Variants in CEP85L observed in about 807,000 individuals in gnomAD.
CEP85L encodes centrosomal protein of 85 kDa-like.
In CEP85L, 60 loss-of-function variants were observed where a neutral mutation model predicts 100.3. That is an observed-to-expected ratio of 0.60 (90% confidence interval 0.49 to 0.74). CEP85L has a LOEUF of 0.74. Ranked by LOEUF, CEP85L falls within the 30% of genes least tolerant of loss-of-function variation. CEP85L has a pLI of 0.00. For synonymous variants in CEP85L, 319 were observed against 322.7 expected, an observed-to-expected ratio of 0.99 and a Z score of 0.12; for missense variants, 973 against 936.2, an observed-to-expected ratio of 1.04 and a Z score of -0.51.
At chr6:118,476,543 T>A (rs1266955823) in intron 10 of CEP85L, among the ~76,000 whole-genome samples, 1 of 152,190 alleles carries the variant, frequency 6.6e-6, no homozygotes, top group Non-Finnish European at 1.5e-5. Flanking sequence ...TTAAAGGAGT[T>A]ATGTTCTACC....
intron 1 of CEP85L, among the ~76,000 whole-genome samples, chr6:118,699,559 C>T (rs1166502871): frequency 1.3e-5 from 2 of 152,030 alleles, no homozygotes; most frequent in African/African-American, 4.8e-5. Flanking sequence ...CTGAATTAGG[C>T]CCCTGGTGGG....
chr6:118,477,210 G>C (rs2114494799), intron 10 of CEP85L, among the ~76,000 whole-genome samples: 1 of 152,226 alleles, frequency 6.6e-6, no homozygotes, highest in South Asian at 2.1e-4. Context: ...ATTCATGCCA[G>C]TTAACAATAT....
intron 2 of CEP85L, among the ~76,000 whole-genome samples, chr6:118,570,207 T>C (rs927671924): frequency 2.1e-4 from 32 of 152,216 alleles, no homozygotes; most frequent in Non-Finnish European, 4.6e-4. Context: ...CTTCCACATT[T>C]TACTTTATAC....
At chr6:118,479,771 T>C (rs978459357) in intron 10 of CEP85L, 100 bp downstream of exon 10, 2 of 535,092 alleles carry the variant, frequency 3.7e-6, no homozygotes, top group African/African-American at 4.0e-5. Flanking sequence ...ATATTATCTT[T>C]CCATACGATA....
At chr6:118,678,167 G>C (rs192158989) in intron 1 of CEP85L, among the ~76,000 whole-genome samples, 1 of 152,312 alleles carries the variant, frequency 6.6e-6, no homozygotes, top group Admixed American at 6.5e-5. Flanking sequence ...ACAGAATTAG[G>C]TAAAAGGAGA....
rs578131719 is a variant in CEP85L, at chr6:118,592,275, G to A, written c.233-25959C>T. Reference sequence around the variant, plus strand: ...TAAACAAACAGACTAAGAGAAACTCGTCTCCACCACTTGAAAAGCTATATA... The same window carrying A: ...TAAACAAACAGACTAAGAGAAACTCATCTCCACCACTTGAAAAGCTATATA... On this transcript the variant is annotated intron_variant, in intron 2 of 12. Coordinates refer to ENST00000368491, the MANE Select transcript of CEP85L (RefSeq NM_001042475.3). Among the ~76,000 whole-genome samples, 7 of 149,994 alleles carry A rather than the reference G, an allele frequency of 4.7e-5. No homozygotes were observed. In the South Asian group the frequency reaches 8.4e-4, roughly 18 times the overall value.
intron 7 of CEP85L, 79 bp downstream of exon 7, chr6:118,483,622 TTTAAC>T: frequency 1.5e-6 from 2 of 1,297,248 alleles, no homozygotes; most frequent in South Asian, 2.9e-5. Context: ...AACACATAGA[TTTAAC>T]TTATAGTTAG....
chr6:118,502,798 T>C (rs1177302743), intron 5 of CEP85L: 3 of 625,410 alleles, frequency 4.8e-6, no homozygotes, highest in East Asian at 3.0e-5. Context: ...CTCCAGGTGA[T>C]ATCGTAAGCA....
At position 118,647,027 on chromosome 6, in the gene CEP85L, T is replaced by C. The variant is rs952066076; in HGVS notation, c.73+4170A>G. ...ATCACTAAAGTTAAGATTCACCCCT[T>C]ACCCCCCAATACCTATTATGAAAGA... On this transcript the variant is annotated intron_variant, in intron 1 of 12. Transcript: ENST00000368491. The C allele has an allele frequency of 2.5e-5, 25 of 985,240 alleles. No homozygotes were observed. In the African/African-American group the frequency reaches 3.0e-4, roughly 12 times the overall value. The allele number at this position is 985,240 out of a possible 1,614,324, so 61.0% of individuals were successfully genotyped here.
At chr6:118,503,802 C>A (rs1582928495) in intron 5 of CEP85L, among the ~76,000 whole-genome samples, 2 of 113,054 alleles carry the variant, frequency 1.8e-5, no homozygotes, top group South Asian at 2.7e-4. Context: ...AAATGGATCA[C>A]AGACCTAAAA....
intron 2 of CEP85L, among the ~76,000 whole-genome samples, chr6:118,580,120 G>A (rs1455396098): frequency 6.6e-6 from 1 of 152,154 alleles, no homozygotes; most frequent in Non-Finnish European, 1.5e-5. Context: ...TAATATAAAT[G>A]GCTGTTTTCT....
intron 1 of CEP85L, among the ~76,000 whole-genome samples, chr6:118,693,825 C>T (rs1178421096): frequency 6.6e-6 from 1 of 152,222 alleles, no homozygotes; most frequent in Non-Finnish European, 1.5e-5. Flanking sequence ...ATTGCTGCTA[C>T]AGTCACAAGC....
intron 1 of CEP85L, 29 bp from the exon 2 acceptor site, chr6:118,632,640 A>G (rs1467664807): frequency 1.3e-6 from 2 of 1,581,598 alleles, no homozygotes; most frequent in Admixed American, 1.8e-5. Flanking sequence ...AACAGTTAAC[A>G]CATATATCTG....
rs560238671 is a variant in CEP85L, at chr6:118,569,258, C to T, written c.233-2942G>A. Reference sequence around the variant, plus strand: ...ACAAGAGGCTGTGGCAGGAGAATGGCTTGAACCTGTGAGGCGGAGGCTGCA... The same window carrying T: ...ACAAGAGGCTGTGGCAGGAGAATGGTTTGAACCTGTGAGGCGGAGGCTGCA... On this transcript the variant is annotated intron_variant, in intron 2 of 12. Coordinates refer to ENST00000368491, the MANE Select transcript of CEP85L (RefSeq NM_001042475.3). 2.2e-5 allele frequency among the ~76,000 whole-genome samples: 3 copies of T among 137,416 alleles called. No homozygotes were observed. The South Asian group carries it at 7.3e-4, about 33-fold the overall frequency. The allele number at this position is 137,416 out of a possible 152,430, so 90.2% of individuals were successfully genotyped here.
intron 5 of CEP85L, among the ~76,000 whole-genome samples, chr6:118,495,753 CAT>C (rs1361649952): frequency 6.6e-6 from 1 of 152,154 alleles, no homozygotes; most frequent in Non-Finnish European, 1.5e-5. Context: ...CAAAAGGTGA[CAT>C]GTGTTCATCT....
chr6:118,613,944 G>A (rs534331636), intron 2 of CEP85L, among the ~76,000 whole-genome samples: 5 of 151,942 alleles, frequency 3.3e-5, no homozygotes, highest in African/African-American at 9.7e-5. Context: ...AAAAACTACA[G>A]GACAATATTC....
At chr6:118,520,258 A>G (rs1776579720) in intron 4 of CEP85L, among the ~76,000 whole-genome samples, 1 of 152,352 alleles carries the variant, frequency 6.6e-6, no homozygotes, top group South Asian at 2.1e-4. Context: ...GAAAAAGTAA[A>G]TCCACCTTTA....
At chr6:118,516,930 G>A (rs1442398135) in intron 4 of CEP85L, among the ~76,000 whole-genome samples, 1 of 152,182 alleles carries the variant, frequency 6.6e-6, no homozygotes, top group Non-Finnish European at 1.5e-5. Context: ...TGTTTAAGGT[G>A]TAAGGAAGGG....
intron 1 of CEP85L, among the ~76,000 whole-genome samples, chr6:118,663,857 A>T (rs911399268): frequency 6.6e-6 from 1 of 151,870 alleles, no homozygotes; most frequent in Non-Finnish European, 1.5e-5. Context: ...TGTAAGTGCT[A>T]TGTAAATAGC....
Sources: gnomAD v4.1 joint callset for allele counts (sites outside exome capture counted in the v4.1 genomes callset) on GRCh38, gnomAD v4.1.1 for gene constraint, MANE v1.5 for transcripts, NCBI Gene and HGNC (gene_info 2026-07-23, HGNC 2026-07-21) for gene names.